Variants in ZNF618 observed in about 807,000 individuals in gnomAD.
ZNF618 encodes neural precursor cell expressed, developmentally down-regulated 10.
In ZNF618, 34 loss-of-function variants were observed where a neutral mutation model predicts 103.0. That is an observed-to-expected ratio of 0.33 (90% confidence interval 0.25 to 0.44). The LOEUF (loss-of-function observed/expected upper bound fraction) is 0.44, where lower values mean the gene tolerates loss of function less well. Ranked by LOEUF, ZNF618 falls within the 20% of genes least tolerant of loss-of-function variation. ZNF618 has a pLI of 1.00. For missense variants in ZNF618, 1,059 were observed against 1,295.4 expected, an observed-to-expected ratio of 0.82 and a Z score of 2.80; for synonymous variants, 551 against 542.2, an observed-to-expected ratio of 1.02 and a Z score of -0.23.
rs561938558 is a variant in ZNF618 at position 114,037,268 on chromosome 9, A to G, written c.1246+891A>G. Among the ~76,000 whole-genome samples, 45 of 152,158 alleles carry G rather than the reference A, an allele frequency of 3.0e-4. 1 individual carries two copies. In the South Asian group the frequency reaches 3.3e-3, roughly 11 times the overall value. Reference sequence around the variant, plus strand: ...TTCAGGGATCAAGGCTCTTTTTTCTATTGGCTCCGTCCTCCTCTAGATCTT... The same window carrying G: ...TTCAGGGATCAAGGCTCTTTTTTCTGTTGGCTCCGTCCTCCTCTAGATCTT... On this transcript the variant is annotated intron_variant, in intron 13 of 14. Transcript: ENST00000374126.
intron 13 of ZNF618, among the ~76,000 whole-genome samples, chr9:114,038,806 A>G (rs988904478): frequency 1.3e-5 from 2 of 152,288 alleles, no homozygotes; most frequent in African/African-American, 2.4e-5. Context: ...TTTCATCCCC[A>G]TTATGCAGAT....
intron 1 of ZNF618, among the ~76,000 whole-genome samples, chr9:113,916,095 TCTGTGTGA>T (rs1491013781): frequency 1.3e-5 from 2 of 151,326 alleles, no homozygotes; most frequent in African/African-American, 4.9e-5. Context: ...TGTGTGTGTG[TCTGTGTGA>T]CTGTGTGTGT....
chr9:114,017,707 G>T (rs181764850), intron 10 of ZNF618, among the ~76,000 whole-genome samples: 3 of 152,258 alleles, frequency 2.0e-5, no homozygotes, highest in East Asian at 1.9e-4. Context: ...CTGTGGATGG[G>T]AAGACTTTGG....
chr9:113,924,521 T>C (rs990655166), intron 1 of ZNF618, among the ~76,000 whole-genome samples: 1 of 151,268 alleles, frequency 6.6e-6, no homozygotes, highest in Non-Finnish European at 1.5e-5. Context: ...TAATTTTCTC[T>C]ACTCATTTCC....
intron 9 of ZNF618, among the ~76,000 whole-genome samples, chr9:114,013,158 A>C (rs904618062): frequency 1.3e-5 from 2 of 152,206 alleles, no homozygotes; most frequent in African/African-American, 4.8e-5. Context: ...ATCTAGACAA[A>C]TTGTGGTTTG....
At chr9:113,973,477 G>A (rs1410479425) in intron 2 of ZNF618, among the ~76,000 whole-genome samples, 1 of 152,164 alleles carries the variant, frequency 6.6e-6, no homozygotes, top group African/African-American at 2.4e-5. Context: ...AATTGAGGGG[G>A]ACAAGGAGAG....
intron 9 of ZNF618, among the ~76,000 whole-genome samples, chr9:114,014,252 C>A (rs1357958829): frequency 6.6e-6 from 1 of 152,162 alleles, no homozygotes; most frequent in Non-Finnish European, 1.5e-5. Flanking sequence ...TATTAGAAGG[C>A]AAAGCTTGTG....
intron 2 of ZNF618, among the ~76,000 whole-genome samples, chr9:113,986,855 G>A (rs1460828537): frequency 6.6e-6 from 1 of 152,166 alleles, no homozygotes; most frequent in Non-Finnish European, 1.5e-5. Flanking sequence ...AAGCTGGGAA[G>A]GACAGCAGAT....
At chr9:114,015,909 T>C (rs1842604783) in intron 9 of ZNF618, among the ~76,000 whole-genome samples, 1 of 152,206 alleles carries the variant, frequency 6.6e-6, no homozygotes, top group Non-Finnish European at 1.5e-5. Flanking sequence ...CAGGACTGGC[T>C]AATTCAGGGC....
At chr9:114,007,488 C>G in intron 7 of ZNF618, 49 bp downstream of exon 7, 1 of 1,577,008 alleles carries the variant, frequency 6.3e-7, no homozygotes, top group East Asian at 2.3e-5. Context: ...GGCGCCCTTC[C>G]TTGGAGACAC....
At chr9:114,005,153 A>G (rs914954496) in intron 6 of ZNF618, among the ~76,000 whole-genome samples, 3 of 152,204 alleles carry the variant, frequency 2.0e-5, no homozygotes, top group Admixed American at 6.5e-5. Flanking sequence ...GTTAGGCAGC[A>G]TGTCTGAGGT....
intron 1 of ZNF618, among the ~76,000 whole-genome samples, chr9:113,951,393 ATATATATACG>A (rs1411120654): frequency 6.4e-5 from 4 of 62,390 alleles, no homozygotes; most frequent in African/African-American, 2.3e-4. Flanking sequence ...ACTTTTTCCT[ATATATATACG>A]TATATATACA....
In ZNF618 at chr9:114,038,773, C is replaced by T. The variant is rs138709226; in HGVS notation, c.1246+2396C>T. On this transcript the variant is annotated intron_variant, in intron 13 of 14. Coordinates refer to ENST00000374126, the MANE Select transcript of ZNF618 (RefSeq NM_001318042.2). ...CTTTACGCAGGTTATTTCATCAGATCTTCCTGATTAGGTAGTTGACGTTTT... is the reference window on the plus strand; with the variant it reads ...CTTTACGCAGGTTATTTCATCAGATTTTCCTGATTAGGTAGTTGACGTTTT... 4.6e-5 allele frequency among the ~76,000 whole-genome samples: 7 copies of T among 152,294 alleles called. No individual in the cohort carries two copies. In the East Asian group the frequency reaches 1.4e-3, roughly 29 times the overall value.
intron 1 of ZNF618, among the ~76,000 whole-genome samples, chr9:113,884,169 AG>A (rs201609150): frequency 5.9e-5 from 9 of 151,916 alleles, no homozygotes; most frequent in Admixed American, 2.6e-4. Flanking sequence ...TAAATGGGGG[AG>A]GGGGGTCTCT....
rs371564011 is a variant in ZNF618, at chr9:114,049,873, C to T, written c.2571C>T (p.Ala857=). 37 of 1,613,798 alleles carry T rather than the reference C, an allele frequency of 2.3e-5. No homozygotes were observed. The highest frequency in any genetic ancestry group is 6.7e-5 in the East Asian group (3 of 44,892). Residue 857 remains alanine, a synonymous_variant, in exon 15 of 15, where the codon GCC becomes GCT. Coordinates refer to ENST00000374126, the MANE Select transcript of ZNF618 (RefSeq NM_001318042.2). The part of the protein sequence containing the change: ...EPAAKKPRSA[A]VENPAAQEDD... Reference sequence around the variant, plus strand: ...CTGCCAAGAAGCCCCGCTCTGCTGCCGTCGAGAACCCCGCAGCTCAGGAAG... The same window carrying T: ...CTGCCAAGAAGCCCCGCTCTGCTGCTGTCGAGAACCCCGCAGCTCAGGAAG...
intron 1 of ZNF618, among the ~76,000 whole-genome samples, chr9:113,905,590 A>T (rs1169867053): frequency 2.0e-5 from 3 of 152,212 alleles, no homozygotes; most frequent in African/African-American, 7.2e-5. Flanking sequence ...CTACAGTCAA[A>T]GTGAAATTTC....
chr9:113,977,743 C>G (rs977534025), intron 2 of ZNF618, among the ~76,000 whole-genome samples: 2 of 152,162 alleles, frequency 1.3e-5, no homozygotes, highest in Non-Finnish European at 2.9e-5. Flanking sequence ...TCCTGGGCAA[C>G]CTTCCACATG....
rs148872031 is a variant in ZNF618 at position 114,013,713 on chromosome 9, G to A, written c.755-2982G>A. Among the ~76,000 whole-genome samples the A allele has an allele frequency of 5.6e-3, 847 of 152,358 alleles. 9 individuals are homozygous for A. The Middle Eastern group carries it at 0.065, about 12-fold the overall frequency. On this transcript the variant is annotated intron_variant, in intron 9 of 14. Coordinates refer to ENST00000374126, the MANE Select transcript of ZNF618 (RefSeq NM_001318042.2). ...CCCAAAGTGCTGGGATTACAGGCGTGAGCCACCACACCCAGCCAGGGTTTT... is the reference window on the plus strand; with the variant it reads ...CCCAAAGTGCTGGGATTACAGGCGTAAGCCACCACACCCAGCCAGGGTTTT...
intron 5 of ZNF618, 97 bp downstream of exon 5, chr9:114,002,170 T>C: frequency 9.3e-7 from 1 of 1,072,882 alleles, no homozygotes; most frequent in Non-Finnish European, 1.4e-6. Context: ...CCAGAGGCCC[T>C]GACAGCTCCA....
Sources: allele counts gnomAD v4.1 joint callset (sites outside exome capture counted in the v4.1 genomes callset), GRCh38; gene constraint gnomAD v4.1.1; transcripts MANE v1.5; gene names NCBI Gene and HGNC (gene_info 2026-07-23, HGNC 2026-07-21).